Variants in CXorf58 observed in about 807,000 individuals in gnomAD.
CXorf58 encodes uncharacterized protein CXorf58.
Under a neutral mutation model 26.0 loss-of-function variants are expected in CXorf58, and 24 were observed. That is an observed-to-expected ratio of 0.92 (90% CI 0.67 to 1.30). CXorf58 has a LOEUF of 1.30. Ranked by LOEUF, CXorf58 falls within the 50% of genes most tolerant of loss-of-function variation. The pLI is 0.00. For missense variants in CXorf58, 236 were observed against 263.9 expected (o/e 0.89, Z 0.73); for synonymous variants, 87 against 86.1 (o/e 1.01, Z -0.06).
At position 23,911,873 on chromosome X, in the gene CXorf58, T is replaced by A; in HGVS notation, c.216+17T>A. ...TGTGCAGCGGTATGTATTTTGCTTA[T>A]TTTTTTCTCTGAGGGATTTAATTAT... On this transcript the variant is annotated intron_variant, in intron 3 of 8. Coordinates refer to ENST00000379211, the MANE Select transcript of CXorf58 (RefSeq NM_152761.3). The A allele has an allele frequency of 9.4e-7, 1 of 1,066,543 alleles. No individual in the cohort carries two copies. The highest frequency in any genetic ancestry group is 3.0e-5 in the East Asian group (1 of 33,016). 87.9% of individuals were successfully genotyped at this position (1,066,543 alleles called of 1,213,427 possible). A position where few individuals can be genotyped will look rare whatever the true frequency, so the allele number is the denominator to read the frequency against.
chrX:23,917,665 G>A lies in CXorf58; in HGVS notation c.423+1337G>A, dbSNP rs190162140. 5.1e-3 allele frequency among the ~76,000 whole-genome samples: 570 copies of A among 110,772 alleles called. 10 individuals are homozygous for A. The highest frequency in any genetic ancestry group is 0.018 in the African/African-American group (549 of 30,547). ...ACTCCTGACCTCAGGTGATTCGCCC[G>A]CCTCGGCATCCCAAAGTGCTGGGAT... On this transcript the variant is annotated intron_variant, in intron 5 of 8. Transcript: ENST00000379211.
intron 5 of CXorf58, among the ~76,000 whole-genome samples, chrX:23,926,192 T>C: frequency 9.0e-6 from 1 of 111,154 alleles, no homozygotes; most frequent in Middle Eastern, 4.7e-3. Flanking sequence ...CAGCACATAC[T>C]TATGGCGGGG....
intron 3 of CXorf58, among the ~76,000 whole-genome samples, chrX:23,915,286 T>C (rs1927691395): frequency 1.8e-5 from 2 of 112,274 alleles, no homozygotes; most frequent in African/African-American, 6.5e-5. Flanking sequence ...CAGTGATTCA[T>C]TCAACAAATA....
At position 23,939,272 on chromosome X, in the gene CXorf58, A is replaced by G. The variant is rs1168743734; in HGVS notation, c.968A>G (p.Lys323Arg). 4.2e-6 allele frequency: 5 copies of G among 1,195,432 alleles called. No individual in the cohort carries two copies. The highest frequency in any genetic ancestry group is 5.6e-6 in the Non-Finnish European group (5 of 885,310). Residue 323 changes from lysine (K) to arginine (R), a missense_variant, in exon 9 of 9, where the codon AAG becomes AGG. Transcript: ENST00000379211. The stretch of plus-strand genomic sequence containing the variant: ...CCAAAAACGGGCCCATCAGGTACAA[A>G]GGATAACTATCATCTCCACTCCATC... ...TEPKTGPSGT[K>R]DNYHLHSIF
chrX:23,916,642 C>CA (rs1295919131), intron 5 of CXorf58: 1 of 151,003 alleles, frequency 6.6e-6, no homozygotes, highest in African/African-American at 3.2e-5. Flanking sequence ...GTAATGCCAG[C>CA]ACTTTGGGAG....
chrX:23,909,389 A>G (rs1927508811), intron 1 of CXorf58, among the ~76,000 whole-genome samples: 1 of 111,781 alleles, frequency 8.9e-6, no homozygotes, highest in African/African-American at 3.3e-5. Context: ...TTCATGTTAC[A>G]TTGCAGTCAT....
intron 1 of CXorf58, among the ~76,000 whole-genome samples, chrX:23,909,897 CT>C (rs1264725174): frequency 8.9e-6 from 1 of 111,824 alleles, no homozygotes; most frequent in Non-Finnish European, 1.9e-5. Flanking sequence ...AAACTCTCCA[CT>C]GTGCTAGGCA....
chrX:23,936,430 T>C (rs184797953), intron 7 of CXorf58, among the ~76,000 whole-genome samples: 2 of 112,030 alleles, frequency 1.8e-5, no homozygotes, highest in African/African-American at 3.2e-5. Flanking sequence ...CCAGTTCACA[T>C]TGTAGAAATG....
chrX:23,922,144 G>A (rs1209927914), intron 5 of CXorf58, among the ~76,000 whole-genome samples: 2 of 110,330 alleles, frequency 1.8e-5, no homozygotes, highest in Non-Finnish European at 3.8e-5. Flanking sequence ...GGAGGCCGAG[G>A]CAGGCGGATC....
At chrX:23,915,831 T>C (rs1927706391) in intron 4 of CXorf58, 37 bp downstream of exon 4, 3 of 781,665 alleles carry the variant, frequency 3.8e-6, no homozygotes, top group Non-Finnish European at 5.6e-6. Context: ...AAGAAGTACT[T>C]AGTTAATATG....
At chrX:23,931,261 A>C (rs762619610) in intron 6 of CXorf58, among the ~76,000 whole-genome samples, 2 of 112,246 alleles carry the variant, frequency 1.8e-5, no homozygotes, top group South Asian at 7.3e-4. Context: ...ACATACTTTC[A>C]GATTGTGAAC....
intron 7 of CXorf58, 39 bp downstream of exon 7, chrX:23,935,464 C>A: frequency 1.0e-6 from 1 of 958,038 alleles, no homozygotes; most frequent in Non-Finnish European, 1.5e-6. Flanking sequence ...ATACTAGGGG[C>A]ATATCTGAAA....
intron 3 of CXorf58, among the ~76,000 whole-genome samples, chrX:23,914,270 GA>G (rs2147065305): frequency 9.1e-6 from 1 of 110,218 alleles, no homozygotes; most frequent in Non-Finnish European, 1.9e-5. Flanking sequence ...ATTTTTAGTA[GA>G]GATGGGGTTT....
At chrX:23,934,842 G>GT (rs111735906) in intron 6 of CXorf58, among the ~76,000 whole-genome samples, 13 of 102,038 alleles carry the variant, frequency 1.3e-4, no homozygotes, top group African/African-American at 4.3e-4. Context: ...AGTCTTAATT[G>GT]TTTTTTTTCT....
chrX:23,937,426 CT>C (rs112427001), intron 7 of CXorf58, among the ~76,000 whole-genome samples: 57 of 94,961 alleles, frequency 6.0e-4, no homozygotes, highest in Admixed American at 9.4e-4. Context: ...TTTTTCTTTT[CT>C]TTTTTTTTTT....
intron 3 of CXorf58, among the ~76,000 whole-genome samples, chrX:23,912,322 T>C (rs1386173977): frequency 1.8e-5 from 2 of 112,118 alleles, no homozygotes; most frequent in African/African-American, 6.5e-5. Flanking sequence ...CTGTTAGCCC[T>C]AGATGAGTAT....
At position 23,908,036 on chromosome X, in the gene CXorf58, G is replaced by A; in HGVS notation, c.-314G>A. On this transcript the variant is annotated 5_prime_UTR_variant, in exon 1 of 9. Coordinates refer to ENST00000379211, the MANE Select transcript of CXorf58 (RefSeq NM_152761.3). ...CGGTACGCGGAGGCGCGAGGAGGGAGGCGCCTGGCGTTGCCGCGGCGCTGG... is the reference window on the plus strand; with the variant it reads ...CGGTACGCGGAGGCGCGAGGAGGGAAGCGCCTGGCGTTGCCGCGGCGCTGG... 1 of 198,877 alleles carries A rather than the reference G, an allele frequency of 5.0e-6. No homozygotes were observed. 16.4% of individuals were successfully genotyped at this position (198,877 alleles called of 1,213,427 possible).
intron 7 of CXorf58, among the ~76,000 whole-genome samples, chrX:23,936,146 G>A (rs968132301): frequency 5.4e-5 from 6 of 110,492 alleles, no homozygotes; most frequent in African/African-American, 2.0e-4. Context: ...GGCTGGAGTG[G>A]GGGTAGGGGA....
intron 5 of CXorf58, among the ~76,000 whole-genome samples, chrX:23,917,124 C>T (rs1408619206): frequency 9.2e-6 from 1 of 108,587 alleles, no homozygotes; most frequent in East Asian, 3.0e-4. Context: ...CACCTGAGGT[C>T]AGGAGTTCAA....
Sources: allele counts gnomAD v4.1 joint callset (sites outside exome capture counted in the v4.1 genomes callset), GRCh38; gene constraint gnomAD v4.1.1; transcripts MANE v1.5; gene names NCBI Gene and HGNC (gene_info 2026-07-23, HGNC 2026-07-21).